The following LIMCH1 variants were observed in gnomAD, a reference collection of about 807,000 sequenced individuals.
LIMCH1 encodes the protein LIM and calponin homology domains-containing protein 1.
LIMCH1 carries 113 observed loss-of-function variants against 176.5 expected under a neutral mutation model. That is an observed-to-expected ratio of 0.64 (90% CI 0.55 to 0.75). The LOEUF (loss-of-function observed/expected upper bound fraction) is 0.75, where lower values mean the gene tolerates loss of function less well. LIMCH1 is among the 30% of genes least tolerant of loss of function. The pLI is 0.00. For synonymous variants in LIMCH1, 619 were observed against 645.9 expected, an observed-to-expected ratio of 0.96 and a Z score of 0.63; for missense variants, 1,674 against 1,814.9, an observed-to-expected ratio of 0.92 and a Z score of 1.41.
At chr4:41,448,027 G>A (rs2063455380) in intron 1 of LIMCH1, among the ~76,000 whole-genome samples, 1 of 152,190 alleles carries the variant, frequency 6.6e-6, no homozygotes, top group African/African-American at 2.4e-5. Context: ...CTGACCTCAG[G>A]TGATCTGCCT....
At chr4:41,611,507 A>T (rs891146900) in intron 4 of LIMCH1, among the ~76,000 whole-genome samples, 1 of 152,250 alleles carries the variant, frequency 6.6e-6, no homozygotes, top group Non-Finnish European at 1.5e-5. Flanking sequence ...GTGGAACTGT[A>T]ACTGTACCAA....
At chr4:41,375,658 G>T (rs1437064148) in intron 1 of LIMCH1, among the ~76,000 whole-genome samples, 1 of 152,226 alleles carries the variant, frequency 6.6e-6, no homozygotes, top group African/African-American at 2.4e-5. Context: ...CCGGGTCCAG[G>T]GGGTGTGCAG....
chr4:41,391,313 T>C (rs1449726516), intron 1 of LIMCH1, among the ~76,000 whole-genome samples: 1 of 152,236 alleles, frequency 6.6e-6, no homozygotes, highest in Non-Finnish European at 1.5e-5. Flanking sequence ...GATCCAATTG[T>C]TGGCAATTTC....
upstream of LIMCH1, chr4:41,360,732 G>A (rs2051851257): frequency 4.5e-6 from 3 of 671,490 alleles, no homozygotes; most frequent in African/African-American, 1.9e-5. The surrounding 1 kb of genome is among the most constrained non-coding windows in gnomAD (Gnocchi z 4.5). Flanking sequence ...GCGGGGAGAG[G>A]CGGGGAGGGG....
intron 16 of LIMCH1, 28 bp from the exon 17 acceptor site, chr4:41,646,457 T>G (rs2304648): frequency 0.024 from 38,414 of 1,595,342 alleles, 715 homozygotes; most frequent in African/African-American, 0.087. Flanking sequence ...TTAGTTGACT[T>G]TGTTATTGCT....
At chr4:41,373,474 A>T (rs1012186306) in intron 1 of LIMCH1, among the ~76,000 whole-genome samples, 1 of 152,240 alleles carries the variant, frequency 6.6e-6, no homozygotes, top group Non-Finnish European at 1.5e-5. Flanking sequence ...GGAGGACAGC[A>T]GTTGGATTTT....
chr4:41,460,570 G>A (rs2065240898), intron 1 of LIMCH1, among the ~76,000 whole-genome samples: 1 of 150,130 alleles, frequency 6.7e-6, no homozygotes, highest in African/African-American at 2.5e-5. Flanking sequence ...AGGTGTGTTG[G>A]TTATACGATT....
chr4:41,529,433 T>C (rs1245685524), intron 3 of LIMCH1, among the ~76,000 whole-genome samples: 2 of 152,246 alleles, frequency 1.3e-5, no homozygotes, highest in African/African-American at 4.8e-5. Context: ...TGTCATGAAA[T>C]ACTGTTTGAT....
At chr4:41,654,935 T>C (rs1205723863) in intron 18 of LIMCH1, among the ~76,000 whole-genome samples, 2 of 152,186 alleles carry the variant, frequency 1.3e-5, no homozygotes, top group African/African-American at 2.4e-5. Context: ...TTTTTTTTCA[T>C]TTAAAAATAC....
At chr4:41,509,624 A>G (rs140587285) in intron 2 of LIMCH1, among the ~76,000 whole-genome samples, 7 of 152,318 alleles carry the variant, frequency 4.6e-5, no homozygotes, top group African/African-American at 1.7e-4. Flanking sequence ...ATCTCCAGTG[A>G]AAAAGCTGCT....
chr4:41,639,797 A>G (rs2093744426), intron 14 of LIMCH1, among the ~76,000 whole-genome samples: 1 of 152,220 alleles, frequency 6.6e-6, no homozygotes, highest in South Asian at 2.1e-4. Flanking sequence ...TAAATCCAGC[A>G]TCAGTAGTCT....
At position 41,505,925 on chromosome 4, in the gene LIMCH1, G is replaced by GACACACACACACACACACAC. The variant is rs36212568; in HGVS notation, c.167+11344_167+11363dup. Among the ~76,000 whole-genome samples, 146 of 134,656 alleles carry GACACACACACACACACACAC rather than the reference G, an allele frequency of 1.1e-3. 2 individuals carry two copies. The highest frequency in any genetic ancestry group is 2.9e-3 in the African/African-American group (100 of 35,070). The allele number at this position is 134,656 out of a possible 152,430, so 88.3% of individuals were successfully genotyped here. On this transcript the variant is annotated intron_variant, in intron 2 of 26. Transcript: ENST00000313860. ...TATTATTCTCTCTCTCTGTGTTTCT[G>GACACACACACACACACACAC]ACACACACACACACACACACACACA...
At chr4:41,681,114 C>T (rs1715390560) in intron 25 of LIMCH1, 55 bp downstream of exon 25, 2 of 1,094,576 alleles carry the variant, frequency 1.8e-6, no homozygotes, top group East Asian at 2.4e-5. Flanking sequence ...AATGGAAGTA[C>T]CAAACCCCAA....
rs532055954 is a variant in LIMCH1 at position 41,442,383 on chromosome 4, G to A, written c.97-52153G>A. ...ACAAACCATCAAAGATGCATTTTAC[G>A]AAAAACACAAGTTTGGCCACTTAGC... On this transcript the variant is annotated intron_variant, in intron 1 of 26. Coordinates refer to the LIMCH1 transcript ENST00000313860. 4.7e-4 allele frequency among the ~76,000 whole-genome samples: 71 copies of A among 152,270 alleles called. No homozygotes were observed. The Middle Eastern group carries it at 0.01, about 22-fold the overall frequency.
intron 9 of LIMCH1, 73 bp from the exon 10 acceptor site, chr4:41,631,075 T>G: frequency 7.7e-7 from 1 of 1,305,082 alleles, no homozygotes; most frequent in Non-Finnish European, 1.0e-6. Flanking sequence ...GTTTTTTTTT[T>G]TGTTTTTTTT....
intron 1 of LIMCH1, among the ~76,000 whole-genome samples, chr4:41,479,238 C>T (rs1300659306): frequency 1.3e-5 from 2 of 152,148 alleles, no homozygotes; most frequent in Non-Finnish European, 2.9e-5. Context: ...CTTTATATAA[C>T]CACCATGCCA....
At chr4:41,619,648 A>G (rs964621227) in intron 6 of LIMCH1, 3 of 622,952 alleles carry the variant, frequency 4.8e-6, no homozygotes, top group Non-Finnish European at 2.7e-6. Context: ...CCTGGCACAC[A>G]GTAGGTATTC....
chr4:41,434,557 C>T (rs1433075133), intron 1 of LIMCH1, among the ~76,000 whole-genome samples: 1 of 152,184 alleles, frequency 6.6e-6, no homozygotes, highest in African/African-American at 2.4e-5. Context: ...TGCTTTGTCA[C>T]CCAGGCTGGA....
At chr4:41,618,015 G>A (rs761536151) in intron 5 of LIMCH1, among the ~76,000 whole-genome samples, 10 of 152,218 alleles carry the variant, frequency 6.6e-5, no homozygotes, top group Non-Finnish European at 1.3e-4. Flanking sequence ...TGTAACATAT[G>A]TAAAGTCTCA....
Sources: gnomAD v4.1 joint callset for allele counts (sites outside exome capture counted in the v4.1 genomes callset) on GRCh38, gnomAD v4.1.1 for gene constraint, Gnocchi (gnomAD v3.1) non-coding constraint, MANE v1.5 for transcripts, NCBI Gene and HGNC (gene_info 2026-07-23, HGNC 2026-07-21) for gene names.